The following SPRED1 variants were observed in gnomAD, a reference collection of about 807,000 sequenced individuals.
SPRED1 encodes sprouty related EVH1 domain containing 1.
Under a neutral mutation model 52.3 loss-of-function variants are expected in SPRED1, and 18 were observed. The ratio of observed to expected loss-of-function variants is 0.34; its 90% confidence interval spans 0.24 to 0.51. SPRED1 has a LOEUF of 0.51. Among genes scored for constraint, SPRED1 ranks in the 20% least tolerant of loss-of-function variants. The probability of loss-of-function intolerance (pLI) is 0.97; values close to 1 mark genes in which losing one functional copy is unlikely to be tolerated. For synonymous variants in SPRED1, 155 were observed against 179.7 expected (o/e 0.86, Z 1.10); for missense variants, 485 against 551.0 (o/e 0.88, Z 1.20).
chr15:38,285,078 T>A lies in SPRED1; in HGVS notation c.33-14295T>A, dbSNP rs531775609. 2.0e-5 allele frequency among the ~76,000 whole-genome samples: 3 copies of A among 152,176 alleles called. No homozygotes were observed. In the East Asian group the frequency reaches 5.8e-4, roughly 29 times the overall value. ...TTAAATATATTTTTTTGCTCCCAGCTCCTCCTGCTGCCTGACTGCCCCCTC... is the reference window on the plus strand; with the variant it reads ...TTAAATATATTTTTTTGCTCCCAGCACCTCCTGCTGCCTGACTGCCCCCTC... On this transcript the variant is annotated intron_variant, in intron 1 of 6. Coordinates refer to ENST00000299084, the MANE Select transcript of SPRED1 (RefSeq NM_152594.3).
At chr15:38,331,312 TAC>T (rs1373614029) in intron 4 of SPRED1, among the ~76,000 whole-genome samples, 10 of 152,184 alleles carry the variant, frequency 6.6e-5, no homozygotes, top group Non-Finnish European at 1.5e-4. Flanking sequence ...CCAGTGTATT[TAC>T]AGTCTTTGTG....
At position 38,351,822 on chromosome 15, in the gene SPRED1, C is replaced by T. The variant is rs1888496613; in HGVS notation, c.*158C>T. ...CTCATCAGTTCTTGGCGTTTCACGC[C>T]ATGCCTAACTTTTCCCTTGAGTGCA... On this transcript the variant is annotated 3_prime_UTR_variant, in exon 7 of 7. Coordinates refer to ENST00000299084, the MANE Select transcript of SPRED1 (RefSeq NM_152594.3). The T allele has an allele frequency of 6.6e-6, 6 of 904,696 alleles. No individual in the cohort carries two copies. In the South Asian group the frequency reaches 8.2e-5, roughly 12 times the overall value. The allele number at this position is 904,696 out of a possible 1,614,324, so 56.0% of individuals were successfully genotyped here.
At chr15:38,259,641 A>G (rs949723028) in intron 1 of SPRED1, among the ~76,000 whole-genome samples, 3 of 152,236 alleles carry the variant, frequency 2.0e-5, no homozygotes, top group Admixed American at 1.3e-4. Context: ...GATTAGTTCT[A>G]CAAGGAATAT....
intron 1 of SPRED1, among the ~76,000 whole-genome samples, chr15:38,279,111 C>T (rs1894629954): frequency 1.3e-5 from 2 of 152,206 alleles, no homozygotes; most frequent in African/African-American, 4.8e-5. Flanking sequence ...CAGGCGTGAG[C>T]CACCATGCCC....
At chr15:38,259,548 C>T (rs1317294646) in intron 1 of SPRED1, among the ~76,000 whole-genome samples, 1 of 152,118 alleles carries the variant, frequency 6.6e-6, no homozygotes, top group Non-Finnish European at 1.5e-5. Flanking sequence ...GCACAGCCCT[C>T]ATTTTAAAAA....
chr15:38,256,324 C>T (rs549929208), intron 1 of SPRED1, among the ~76,000 whole-genome samples: 31 of 152,074 alleles, frequency 2.0e-4, no homozygotes, highest in African/African-American at 6.7e-4. Flanking sequence ...CAAATGTTTC[C>T]GATAGATATA....
chr15:38,275,632 G>A (rs989724413), intron 1 of SPRED1, among the ~76,000 whole-genome samples: 1 of 152,094 alleles, frequency 6.6e-6, no homozygotes, highest in Non-Finnish European at 1.5e-5. Context: ...CAAGTAGCTG[G>A]GACTACAGGT....
chr15:38,256,187 T>C (rs1566845377), intron 1 of SPRED1, among the ~76,000 whole-genome samples: 2 of 152,120 alleles, frequency 1.3e-5, no homozygotes, highest in Non-Finnish European at 2.9e-5. Context: ...TGTTTAAAAA[T>C]CTTACTTTTC....
Position 38,336,428 on chromosome 15 carries a change from A to ATGTGTGTGTG in SPRED1, c.424-3308_424-3307insGTGTGTGTGT, listed in dbSNP as rs1682910266. On this transcript the variant is annotated intron_variant, in intron 4 of 6. Coordinates refer to ENST00000299084, the MANE Select transcript of SPRED1 (RefSeq NM_152594.3). ...TGTGTATGTGTATGTGTGTGTATAT[A>ATGTGTGTGTG]TATATATAATATTATATATATGTTA... 2.2e-4 allele frequency among the ~76,000 whole-genome samples: 9 copies of ATGTGTGTGTG among 40,548 alleles called. No homozygotes were observed. In the Admixed American group the frequency reaches 3.1e-3, roughly 14 times the overall value. The allele number at this position is 40,548 out of a possible 152,430, so 26.6% of individuals were successfully genotyped here.
chr15:38,260,505 AT>A (rs201329815), intron 1 of SPRED1, among the ~76,000 whole-genome samples: 5 of 149,536 alleles, frequency 3.3e-5, no homozygotes, highest in Admixed American at 1.3e-4. Flanking sequence ...GAAACTACGG[AT>A]TTTTTTTTTC....
At chr15:38,309,406 G>C (rs1212955525) in intron 2 of SPRED1, among the ~76,000 whole-genome samples, 1 of 152,226 alleles carries the variant, frequency 6.6e-6, no homozygotes, top group Non-Finnish European at 1.5e-5. Context: ...CTCCCAACGT[G>C]CTGGGATTAC....
At chr15:38,292,116 A>G (rs1382142652) in intron 1 of SPRED1, among the ~76,000 whole-genome samples, 1 of 152,122 alleles carries the variant, frequency 6.6e-6, no homozygotes. Context: ...ATCTCTTTCA[A>G]GCTCAAAGTT....
intron 2 of SPRED1, among the ~76,000 whole-genome samples, chr15:38,310,503 T>C (rs1490297499): frequency 6.6e-6 from 1 of 152,194 alleles, no homozygotes; most frequent in Admixed American, 6.5e-5. Flanking sequence ...ACTGGGGTTT[T>C]GATAGGAATT....
intron 1 of SPRED1, among the ~76,000 whole-genome samples, chr15:38,272,544 A>G (rs1595717751): frequency 6.6e-6 from 1 of 152,172 alleles, no homozygotes; most frequent in East Asian, 1.9e-4. Context: ...TGCTGGGATT[A>G]CAGGTGTGAG....
rs1015221980 is a variant in SPRED1 at position 38,355,323 on chromosome 15, A to G, written c.*3659A>G. 2.6e-5 allele frequency: 4 copies of G among 152,184 alleles called. No individual in the cohort carries two copies. Among genetic ancestry groups the G allele is most frequent in the Non-Finnish European group, 5.9e-5 (4 of 68,076 alleles). The allele number at this position is 152,184 out of a possible 1,614,324, so 9.4% of individuals were successfully genotyped here. A position where few individuals can be genotyped will look rare whatever the true frequency, so the allele number is the denominator to read the frequency against. On this transcript the variant is annotated 3_prime_UTR_variant, in exon 7 of 7. Transcript: ENST00000299084. ...TAAAGGGAAAAACTTGAAACTACCTATTTTCATTGGTTATTCAGCAGTGCC... is the reference window on the plus strand; with the variant it reads ...TAAAGGGAAAAACTTGAAACTACCTGTTTTCATTGGTTATTCAGCAGTGCC...
At chr15:38,257,414 G>A (rs1012153798) in intron 1 of SPRED1, among the ~76,000 whole-genome samples, 4 of 151,962 alleles carry the variant, frequency 2.6e-5, no homozygotes, top group East Asian at 1.9e-4. Context: ...AAAAAAGGCC[G>A]AAAAAGAGTA....
intron 1 of SPRED1, among the ~76,000 whole-genome samples, chr15:38,267,214 TATATCTAGTTTTTAAATA>T (rs1595714829): frequency 7.1e-6 from 1 of 141,772 alleles, no homozygotes; most frequent in East Asian, 2.1e-4. Flanking sequence ...GACTTAGGCG[TATATCTAGTTTTTAAATA>T]ATCATTTTAG....
chr15:38,280,235 A>G (rs1894657654), intron 1 of SPRED1, among the ~76,000 whole-genome samples: 1 of 152,226 alleles, frequency 6.6e-6, no homozygotes, highest in Non-Finnish European at 1.5e-5. Context: ...TGGAAGAGAA[A>G]TACCTCATTT....
rs780737673 is a variant in SPRED1, at chr15:38,351,152, G to T, written c.823G>T (p.Asp275Tyr). Residue 275 changes from aspartate (D) to tyrosine (Y), a missense_variant, in exon 7 of 7, where the codon GAT (aspartate) becomes TAT (tyrosine). Transcript: ENST00000299084. The part of the protein sequence containing the change: ...DMWKNDLERD[D>Y]ADSSIQFSKP... Reference sequence around the variant, plus strand: ...GTGGAAAAATGACTTGGAAAGAGATGATGCTGATTCCAGTATTCAGTTTTC... The same window carrying T: ...GTGGAAAAATGACTTGGAAAGAGATTATGCTGATTCCAGTATTCAGTTTTC... The T allele has an allele frequency of 3.1e-6, 5 of 1,614,078 alleles. No individual in the cohort carries two copies. Among genetic ancestry groups the T allele is most frequent in the Non-Finnish European group, 2.5e-6 (3 of 1,180,002 alleles).
Sources: allele counts gnomAD v4.1 joint callset (sites outside exome capture counted in the v4.1 genomes callset), GRCh38; gene constraint gnomAD v4.1.1; transcripts MANE v1.5; gene names NCBI Gene and HGNC (gene_info 2026-07-23, HGNC 2026-07-21).